The following ZNF780A variants were observed in gnomAD, a reference collection of about 807,000 sequenced individuals.
The protein encoded by ZNF780A is zinc finger protein 780A.
A neutral mutation model predicts 56.7 loss-of-function variants in ZNF780A; 40 were observed. That is an observed-to-expected ratio of 0.71 (90% CI 0.55 to 0.92). The LOEUF (loss-of-function observed/expected upper bound fraction) is 0.92. ZNF780A is among the 40% of genes least tolerant of loss of function. The pLI is 0.00. For missense variants in ZNF780A, 672 were observed against 783.3 expected, an observed-to-expected ratio of 0.86 and a Z score of 1.70; for synonymous variants, 231 against 248.3, an observed-to-expected ratio of 0.93 and a Z score of 0.66.
Position 40,076,195 on chromosome 19 carries a change from A to G in ZNF780A, c.247T>C (p.Tyr83His), listed in dbSNP as rs1974125534. 1 of 1,554,986 alleles carries G rather than the reference A, an allele frequency of 6.4e-7. No homozygotes were observed. The highest frequency in any genetic ancestry group is 8.6e-7 in the Non-Finnish European group (1 of 1,157,116). The change falls in exon 6 of 6, where the codon TAT becomes CAT. Residue 83 changes from tyrosine (Y) to histidine (H), a missense_variant. Coordinates refer to ENST00000683561, the MANE Select transcript of ZNF780A (RefSeq NM_001142578.2). ...TCTGGAGATACTTTCTCAGGTCCAT[A>G]TTTTAACTCCAAATCTGAAAGAAAT... ...SRRYPDLELK[Y>H]GPEKVSPEND...
rs758598264 is a variant in ZNF780A, at chr19:40,075,161, A to C, written c.1281T>G (p.Asn427Lys). The C allele has an allele frequency of 4.3e-6, 7 of 1,611,942 alleles. No individual in the cohort carries two copies. In the East Asian group the frequency reaches 1.6e-4, roughly 36 times the overall value. The change falls in exon 6 of 6, where the codon AAT (asparagine) becomes AAG (lysine). Residue 427 changes from asparagine to lysine, a missense_variant. Transcript: ENST00000683561. ...GATGCTGAATAAGGTGTGCACCACGATTAAAGCCTTTCCCACACTCCTTAC... is the reference window on the plus strand; with the variant it reads ...GATGCTGAATAAGGTGTGCACCACGCTTAAAGCCTTTCCCACACTCCTTAC... ...YECKECGKGF[N>K]RGAHLIQHQK...
At position 40,084,002 on chromosome 19, in the gene ZNF780A, C is replaced by T. The variant is rs371860802; in HGVS notation, c.9+743G>A. Among the ~76,000 whole-genome samples the T allele has an allele frequency of 5.2e-4, 79 of 152,124 alleles. 1 individual carries two copies. In the South Asian group the frequency reaches 6.9e-3, roughly 13 times the overall value. On this transcript the variant is annotated intron_variant, in intron 3 of 5. Coordinates refer to ENST00000683561, the MANE Select transcript of ZNF780A (RefSeq NM_001142578.2). ...GCAACCTCCACCTCCCAGGTTCAAG[C>T]GATTCTCCTGCCTCAGCCTCCTGTG...
intron 5 of ZNF780A, 78 bp from the exon 6 acceptor site, chr19:40,076,287 AC>A: frequency 7.3e-7 from 1 of 1,374,992 alleles, no homozygotes; most frequent in Non-Finnish European, 9.7e-7. Flanking sequence ...GTCAACTGAA[AC>A]CATCAATTCA....
rs151054195 is a variant in ZNF780A at position 40,075,672 on chromosome 19, G to A, written c.770C>T (p.Ser257Phe). 18,844 of 1,612,826 alleles carry A rather than the reference G, an allele frequency of 0.012. 134 individuals carry two copies. Among genetic ancestry groups the A allele is most frequent in the Non-Finnish European group, 0.015 (17,319 of 1,179,742 alleles). Residue 257 changes from serine to phenylalanine, a missense_variant, in exon 6 of 6, where the codon TCC becomes TTC. Coordinates refer to ENST00000683561, the MANE Select transcript of ZNF780A (RefSeq NM_001142578.2). ...KLFECKECGK[S>F]FNRSSNLVQH... ...AACAAGGTTTGAGCTACGATTAAAGGACTTCCCACATTCCTTACATTCAAA... is the reference window on the plus strand; with the variant it reads ...AACAAGGTTTGAGCTACGATTAAAGAACTTCCCACATTCCTTACATTCAAA...
At chr19:40,073,016 T>C, downstream of ZNF780A, 1 of 1,524,042 alleles carries the variant, frequency 6.6e-7, no homozygotes, top group Admixed American at 2.2e-5. Context: ...TATGAATACT[T>C]TCCTTAACGG....
intron 2 of ZNF780A, among the ~76,000 whole-genome samples, chr19:40,089,617 T>TACACACACAC (rs5828058): frequency 7.4e-4 from 110 of 148,014 alleles, no homozygotes; most frequent in African/African-American, 2.1e-3. Context: ...CCTCTCACAG[T>TACACACACAC]ACACACACAC....
intron 5 of ZNF780A, among the ~76,000 whole-genome samples, chr19:40,081,343 G>A (rs1974461350): frequency 6.6e-6 from 1 of 151,982 alleles, no homozygotes; most frequent in Admixed American, 6.6e-5. Flanking sequence ...GAACAACCTG[G>A]CCAACATGGT....
chr19:40,072,759 C>A, downstream of ZNF780A: 2 of 1,307,336 alleles, frequency 1.5e-6, no homozygotes, highest in Non-Finnish European at 1.9e-6. Context: ...TAATAAAAAA[C>A]ATAGAGGCCC....
rs1975073827 is a variant in ZNF780A at position 40,090,167 on chromosome 19, C to A, written c.-47G>T. On this transcript the variant is annotated splice_region_variant and 5_prime_UTR_variant, in exon 2 of 6. It adds an upstream start codon to the 5' untranslated region. Coordinates refer to ENST00000683561, the MANE Select transcript of ZNF780A (RefSeq NM_001142578.2). ...AACAAATACAAAGCACAAACTCACC[C>A]TTGACTTTAGGTGTGCAGCAGTAAC... 1 of 152,160 alleles carries A rather than the reference C, an allele frequency of 6.6e-6. No homozygotes were observed. Among genetic ancestry groups the A allele is most frequent in the African/African-American group, 2.4e-5 (1 of 41,426 alleles). 9.4% of individuals were successfully genotyped at this position (152,160 alleles called of 1,614,324 possible).
At chr19:40,089,301 ATC>A in intron 2 of ZNF780A, 7 of 1,378,420 alleles carry the variant, frequency 5.1e-6, no homozygotes, top group Non-Finnish European at 6.7e-6. Flanking sequence ...ATACAATTAT[ATC>A]TGTCGATTTA....
chr19:40,075,302 C>T lies in ZNF780A; in HGVS notation c.1140G>A (p.Lys380=). The change falls in exon 6 of 6, where the codon AAG becomes AAA. Residue 380 remains lysine (K), a synonymous_variant. Transcript: ENST00000683561. Reference sequence around the variant, plus strand: ...ACGGTTTTTCACCTGTGTGAATGTTCTTATGGCGATTAAGCTGGTTGAGAA... The same window carrying T: ...ACGGTTTTTCACCTGTGTGAATGTTTTTATGGCGATTAAGCTGGTTGAGAA... ...FSLLNQLNRH[K]NIHTGEKPFE... is the part of the protein sequence containing the mutation. The T allele has an allele frequency of 6.2e-7, 1 of 1,613,486 alleles. No homozygotes were observed.
Position 40,075,176 on chromosome 19 carries a change from A to C in ZNF780A, c.1266T>G (p.Cys422Trp). Residue 422 changes from cysteine (C) to tryptophan (W), a missense_variant, in exon 6 of 6, where the codon TGT (cysteine) becomes TGG (tryptophan). Transcript: ENST00000683561. ...AGIKPYECKE[C>W]GKGFNRGAHL... is the part of the protein sequence containing the mutation. ...GTGCACCACGATTAAAGCCTTTCCC[A>C]CACTCCTTACATTCATATGGTTTTA... 1 of 1,613,820 alleles carries C rather than the reference A, an allele frequency of 6.2e-7. No homozygotes were observed. Among genetic ancestry groups the C allele is most frequent in the Non-Finnish European group, 8.5e-7 (1 of 1,179,936 alleles).
chr19:40,090,360 G>A (rs893216333), intron 1 of ZNF780A, 125 bp from the exon 2 acceptor site: 3 of 152,194 alleles, frequency 2.0e-5, no homozygotes, highest in African/African-American at 7.2e-5. Flanking sequence ...GGAAGTAAAA[G>A]GAAGAGGAAT....
At chr19:40,076,263 T>C (rs1974129288) in intron 5 of ZNF780A, 54 bp from the exon 6 acceptor site, 3 of 1,480,158 alleles carry the variant, frequency 2.0e-6, no homozygotes, top group Non-Finnish European at 1.8e-6. Context: ...CACACATGCA[T>C]ACAAAGTCCT....
intron 4 of ZNF780A, among the ~76,000 whole-genome samples, 157 bp downstream of exon 4, chr19:40,082,954 G>A (rs1449581873): frequency 6.6e-6 from 1 of 152,182 alleles, no homozygotes; most frequent in East Asian, 1.9e-4. Flanking sequence ...GCTCCAGGGA[G>A]GTGCCTGTTT....
rs55838062 is a variant in ZNF780A at position 40,073,448 on chromosome 19, G to A, written c.*1068C>T. On this transcript the variant is annotated 3_prime_UTR_variant, in exon 6 of 6. Transcript: ENST00000683561. ...TGACGTTGGGAAAATGGACCTGATC[G>A]TCTTGCTCACCACAGGGTTGCCACA... The A allele has an allele frequency of 0.081, 69,884 of 860,750 alleles. 2,958 individuals carry two copies. Among genetic ancestry groups the A allele is most frequent in the Middle Eastern group, 0.088 (147 of 1,672 alleles). The allele number at this position is 860,750 out of a possible 1,614,324, so 53.3% of individuals were successfully genotyped here. A position where few individuals can be genotyped will look rare whatever the true frequency, so the allele number is the denominator to read the frequency against.
chr19:40,074,387 A>C lies in ZNF780A; in HGVS notation c.*129T>G. The C allele has an allele frequency of 1.3e-6, 2 of 1,540,566 alleles. No individual in the cohort carries two copies. Among genetic ancestry groups the C allele is most frequent in the East Asian group, 2.3e-5 (1 of 44,420 alleles). On this transcript the variant is annotated 3_prime_UTR_variant, in exon 6 of 6. Transcript: ENST00000683561. ...ACTGGAATGAATTTTCTGATGCTGA[A>C]TAACGTTTGAACCACAAATGAAGCC...
At chr19:40,076,641 G>A (rs1161881750) in intron 5 of ZNF780A, among the ~76,000 whole-genome samples, 1 of 152,060 alleles carries the variant, frequency 6.6e-6, no homozygotes, top group Non-Finnish European at 1.5e-5. Context: ...TCTGCCAGGG[G>A]CCTGGGGATC....
At position 40,073,863 on chromosome 19, in the gene ZNF780A, A is replaced by G. The variant is rs1973929890; in HGVS notation, c.*653T>C. 1.0e-6 allele frequency: 1 copy of G among 997,024 alleles called. No homozygotes were observed. The highest frequency in any genetic ancestry group is 1.1e-4 in the East Asian group (1 of 9,170). 61.8% of individuals were successfully genotyped at this position (997,024 alleles called of 1,614,324 possible). ...CCTTATTGTCACAAAATTTCTAACT[A>G]TTCTGAATTTTCTGATGTTGAGACA... is the stretch of plus-strand genomic sequence containing the variant. On this transcript the variant is annotated 3_prime_UTR_variant, in exon 6 of 6. Coordinates refer to ENST00000683561, the MANE Select transcript of ZNF780A (RefSeq NM_001142578.2).
Sources: gnomAD v4.1 joint callset for allele counts (sites outside exome capture counted in the v4.1 genomes callset) on GRCh38, gnomAD v4.1.1 for gene constraint, MANE v1.5 for transcripts, NCBI Gene and HGNC (gene_info 2026-07-23, HGNC 2026-07-21) for gene names.